ZFHX3: variants seen among roughly 807,000 people sequenced by gnomAD.
ZFHX3 encodes zinc finger homeobox 3, also known as zinc finger homeobox protein 3.
Under a neutral mutation model 279.1 loss-of-function variants are expected in ZFHX3, and 42 were observed. That is an observed-to-expected ratio of 0.15 (90% CI 0.12 to 0.19). The LOEUF (loss-of-function observed/expected upper bound fraction) is 0.19. Ranked by LOEUF, ZFHX3 falls within the 10% of genes least tolerant of loss-of-function variation. The probability of loss-of-function intolerance (pLI) is 1.00; values close to 1 mark genes in which losing one functional copy is unlikely to be tolerated. For synonymous variants in ZFHX3, 2,293 were observed against 1,957.8 expected (o/e 1.17, Z -4.52); for missense variants, 4,981 against 4,754.0 (o/e 1.05, Z -1.40).
At chr16:73,278,400 G>C (rs1346886923) in intron 4 of ZFHX3, among the ~76,000 whole-genome samples, 1 of 152,178 alleles carries the variant, frequency 6.6e-6, no homozygotes, top group African/African-American at 2.4e-5. Flanking sequence ...AATGTGTCTG[G>C]AGTTGGTTCC....
At chr16:72,979,644 G>A (rs949981836) in intron 1 of ZFHX3, among the ~76,000 whole-genome samples, 3 of 152,114 alleles carry the variant, frequency 2.0e-5, no homozygotes, top group Admixed American at 6.6e-5. Flanking sequence ...AAATCAATGC[G>A]CTTACAGACT....
At chr16:72,964,002 C>T (rs997535597) in intron 1 of ZFHX3, among the ~76,000 whole-genome samples, 2 of 152,262 alleles carry the variant, frequency 1.3e-5, no homozygotes, top group Non-Finnish European at 2.9e-5. Flanking sequence ...CAGTGAGAAA[C>T]TGTTGCCTCC....
intron 3 of ZFHX3, among the ~76,000 whole-genome samples, chr16:72,894,254 T>A: frequency 6.6e-6 from 1 of 152,086 alleles, no homozygotes; most frequent in East Asian, 1.9e-4. Flanking sequence ...GTCTACTATG[T>A]CTACCTGCAT....
intron 3 of ZFHX3, among the ~76,000 whole-genome samples, chr16:73,351,379 T>C (rs2016238358): frequency 6.6e-6 from 1 of 152,140 alleles, no homozygotes; most frequent in Non-Finnish European, 1.5e-5. Context: ...CAACAGGCCG[T>C]ATTGGTCCCT....
chr16:72,795,255 G>A lies in ZFHX3; in HGVS notation c.7427C>T (p.Ser2476Phe). ...AGGAGGCTGTGGCAACGAAGGCAGGGACACCAGCTGGGGGAGCTTCTGCTG... is the reference window on the plus strand; with the variant it reads ...AGGAGGCTGTGGCAACGAAGGCAGGAACACCAGCTGGGGGAGCTTCTGCTG... Reference protein sequence around the residue: ...TPQQKLPQLVSLPSLPQPPPQ... With the variant: ...TPQQKLPQLVFLPSLPQPPPQ... The change falls in exon 9 of 10, where the codon TCC (serine) becomes TTC (phenylalanine). Residue 2476 changes from serine (S) to phenylalanine (F), a missense_variant. Physicochemically the swap from Ser to Phe is radical, Grantham distance 155. Coordinates refer to ENST00000268489, the MANE Select transcript of ZFHX3 (RefSeq NM_006885.4). 3 of 1,612,164 alleles carry A rather than the reference G, an allele frequency of 1.9e-6. No individual in the cohort carries two copies. Among genetic ancestry groups the A allele is most frequent in the South Asian group, 2.2e-5 (2 of 90,962 alleles).
At chr16:73,847,637 C>T (rs1961482045) in intron 1 of ZFHX3, among the ~76,000 whole-genome samples, 1 of 152,050 alleles carries the variant, frequency 6.6e-6, no homozygotes, top group South Asian at 2.1e-4. Flanking sequence ...TCTTATGGGA[C>T]TAATAAAAAC....
intron 2 of ZFHX3, among the ~76,000 whole-genome samples, chr16:73,475,757 T>C (rs2018755029): frequency 1.3e-5 from 2 of 152,136 alleles, no homozygotes; most frequent in African/African-American, 2.4e-5. Context: ...TAGAGTATAT[T>C]CCAATTTTCT....
At chr16:73,235,433 C>T (rs1267784904) in intron 5 of ZFHX3, among the ~76,000 whole-genome samples, 1 of 152,142 alleles carries the variant, frequency 6.6e-6, no homozygotes, top group Non-Finnish European at 1.5e-5. Flanking sequence ...CTTCTTTCTT[C>T]CCACTGTACT....
chr16:73,738,767 G>C (rs143595279), intron 1 of ZFHX3, among the ~76,000 whole-genome samples: 4 of 152,160 alleles, frequency 2.6e-5, no homozygotes, highest in Admixed American at 2.6e-4. Flanking sequence ...TCTTTGGCCA[G>C]TTTGCACTCA....
chr16:73,394,239 GTT>G (rs67840840), intron 3 of ZFHX3, among the ~76,000 whole-genome samples: 14 of 136,268 alleles, frequency 1.0e-4, no homozygotes, highest in East Asian at 2.1e-4. Flanking sequence ...TTTGTTTTCT[GTT>G]TTTTTTTTTT....
intron 5 of ZFHX3, among the ~76,000 whole-genome samples, chr16:73,196,911 T>C (rs1465647052): frequency 6.6e-6 from 1 of 152,044 alleles, no homozygotes; most frequent in Admixed American, 6.6e-5. Flanking sequence ...ATGGTAGGCG[T>C]TCTGGAGGGC....
intron 1 of ZFHX3, among the ~76,000 whole-genome samples, chr16:73,037,630 T>G (rs909371257): frequency 6.6e-6 from 1 of 152,116 alleles, no homozygotes; most frequent in Non-Finnish European, 1.5e-5. Flanking sequence ...GATGGGGGCC[T>G]GCACTTCAGG....
At chr16:73,796,717 T>C (rs1960000426) in intron 1 of ZFHX3, 1 of 152,184 alleles carries the variant, frequency 6.6e-6, no homozygotes, top group South Asian at 2.1e-4. Flanking sequence ...TCCTTAATGG[T>C]CCAGATAATG....
intron 2 of ZFHX3, among the ~76,000 whole-genome samples, chr16:73,457,689 C>T (rs957557935): frequency 1.3e-5 from 2 of 152,202 alleles, no homozygotes; most frequent in African/African-American, 4.8e-5. Context: ...GCATGAGAAT[C>T]GCTTGAGCCT....
At chr16:72,884,717 C>T (rs1183512409) in intron 4 of ZFHX3, among the ~76,000 whole-genome samples, 5 of 152,178 alleles carry the variant, frequency 3.3e-5, no homozygotes, top group Non-Finnish European at 7.3e-5. Context: ...ATGAAGTTAA[C>T]TACAGTTTCA....
chr16:72,864,889 T>C (rs1396469540), intron 4 of ZFHX3, among the ~76,000 whole-genome samples: 1 of 152,184 alleles, frequency 6.6e-6, no homozygotes, highest in Non-Finnish European at 1.5e-5. Flanking sequence ...TTATGAGCCG[T>C]GATGATGCCA....
rs967560259 is a variant in ZFHX3, at chr16:73,356,872, C to T, written c.-1290-38536G>A. Among the ~76,000 whole-genome samples the T allele has an allele frequency of 2.0e-5, 3 of 149,036 alleles. 1 individual carries two copies. Among genetic ancestry groups the T allele is most frequent in the Non-Finnish European group, 3.0e-5 (2 of 67,580 alleles). ...TTTTTTCTTCCTGGCCATGGGAGTA[C>T]ACTAGGCCTGTGCTGGGAGGTGCCC... On this transcript the variant is annotated intron_variant, in intron 3 of 17. Transcript: ENST00000641206.
chr16:73,819,004 A>G (rs1019633278), intron 1 of ZFHX3, among the ~76,000 whole-genome samples: 3 of 152,168 alleles, frequency 2.0e-5, no homozygotes, highest in Admixed American at 1.3e-4. Flanking sequence ...TGGGAAGCAC[A>G]ATGAAGTTGA....
At chr16:73,506,951 A>G (rs2019337631) in intron 2 of ZFHX3, among the ~76,000 whole-genome samples, 1 of 152,130 alleles carries the variant, frequency 6.6e-6, no homozygotes, top group Non-Finnish European at 1.5e-5. Context: ...AATAGACGGT[A>G]TTACCTCAAG....
Sources: allele counts gnomAD v4.1 joint callset (sites outside exome capture counted in the v4.1 genomes callset), GRCh38; gene constraint gnomAD v4.1.1; transcripts MANE v1.5; gene names NCBI Gene and HGNC (gene_info 2026-07-23, HGNC 2026-07-21).